The following CALN1 variants were observed in gnomAD, a reference collection of about 807,000 sequenced individuals.
CALN1 encodes calneuron 1.
CALN1 carries 17 observed loss-of-function variants against 30.6 expected under a neutral mutation model. The ratio of observed to expected loss-of-function variants is 0.56; its 90% confidence interval spans 0.38 to 0.83. CALN1 has a LOEUF of 0.83. Ranked by LOEUF, CALN1 falls within the 40% of genes least tolerant of loss-of-function variation. CALN1 has a pLI of 0.00. For synonymous variants in CALN1, 156 were observed against 131.4 expected, an observed-to-expected ratio of 1.19 and a Z score of -1.28; for missense variants, 291 against 354.9, an observed-to-expected ratio of 0.82 and a Z score of 1.45.
chr7:72,400,723 G>C (rs570861779), intron 2 of CALN1, among the ~76,000 whole-genome samples: 1 of 152,178 alleles, frequency 6.6e-6, no homozygotes. Context: ...TATAAAATTA[G>C]CTGGGTTTGG....
intron 3 of CALN1, among the ~76,000 whole-genome samples, chr7:72,153,615 A>G (rs1353630210): frequency 6.6e-6 from 1 of 151,990 alleles, no homozygotes; most frequent in Non-Finnish European, 1.5e-5. Context: ...GCCGGAGTTC[A>G]AGGCTGCAGT....
intron 5 of CALN1, among the ~76,000 whole-genome samples, chr7:71,823,391 TAA>T (rs765824389): frequency 1.1e-3 from 166 of 152,198 alleles, no homozygotes; most frequent in Non-Finnish European, 2.0e-3. Flanking sequence ...ACGCTGCAAA[TAA>T]AGACATACCC....
intron 2 of CALN1, among the ~76,000 whole-genome samples, chr7:72,357,815 T>C (rs1243623759): frequency 1.4e-5 from 2 of 147,474 alleles, no homozygotes; most frequent in African/African-American, 5.0e-5. Context: ...TTATTTTATA[T>C]ATTTATATAT....
chr7:72,072,955 A>G (rs1408261482), intron 4 of CALN1, among the ~76,000 whole-genome samples: 1 of 152,226 alleles, frequency 6.6e-6, no homozygotes, highest in Non-Finnish European at 1.5e-5. Flanking sequence ...CAAAAAGATC[A>G]CTACACACAA....
Position 72,222,569 on chromosome 7 carries a change from T to A in CALN1, c.244+56117A>T, listed in dbSNP as rs968386219. The stretch of plus-strand genomic sequence containing the variant: ...ATCCTACCAGGCCCCCCTCCAACAC[T>A]GGGGATTACAATTGAACATGAGATT... On this transcript the variant is annotated intron_variant, in intron 3 of 6. Transcript: ENST00000395275. Among the ~76,000 whole-genome samples the A allele has an allele frequency of 7.2e-5, 11 of 152,246 alleles. No individual in the cohort carries two copies. In the South Asian group the frequency reaches 1.5e-3, roughly 20 times the overall value.
chr7:72,307,480 G>A (rs143908204), intron 2 of CALN1, among the ~76,000 whole-genome samples: 2 of 152,204 alleles, frequency 1.3e-5, no homozygotes, highest in African/African-American at 2.4e-5. Flanking sequence ...CTCGTGCAGT[G>A]CAGTGGGCAT....
intron 2 of CALN1, among the ~76,000 whole-genome samples, chr7:72,390,223 G>A (rs1418399317): frequency 6.6e-6 from 1 of 151,998 alleles, no homozygotes. Flanking sequence ...GAGGTCAGGA[G>A]TCCCAGACCA....
intron 2 of CALN1, among the ~76,000 whole-genome samples, chr7:72,396,255 AAAG>A (rs1253906668): frequency 6.7e-4 from 67 of 99,516 alleles, no homozygotes; most frequent in African/African-American, 3.4e-3. Context: ...AAAAAAAAAA[AAAG>A]AAAGAAAAAG....
chr7:72,303,657 G>A (rs921823213), intron 2 of CALN1, among the ~76,000 whole-genome samples: 8 of 151,664 alleles, frequency 5.3e-5, no homozygotes, highest in African/African-American at 1.5e-4. Flanking sequence ...AATGAGAGTG[G>A]GCTCGCCCTC....
intron 2 of CALN1, among the ~76,000 whole-genome samples, chr7:72,383,722 G>C (rs1479319109): frequency 6.6e-6 from 1 of 152,150 alleles, no homozygotes; most frequent in African/African-American, 2.4e-5. Context: ...CGTCCTGTCT[G>C]AAAATTTGTT....
intron 5 of CALN1, among the ~76,000 whole-genome samples, chr7:71,896,299 T>C (rs778422770): frequency 6.6e-6 from 1 of 152,188 alleles, no homozygotes; most frequent in Non-Finnish European, 1.5e-5. Context: ...ACTCGACAAT[T>C]GAGGGCTGAT....
intron 3 of CALN1, among the ~76,000 whole-genome samples, chr7:72,234,288 G>C (rs2129550822): frequency 6.6e-6 from 1 of 152,256 alleles, no homozygotes; most frequent in African/African-American, 2.4e-5. Context: ...CGGGAGCCCA[G>C]CCAAGATTAG....
chr7:72,314,992 A>G (rs983211676), intron 2 of CALN1, among the ~76,000 whole-genome samples: 2 of 151,184 alleles, frequency 1.3e-5, no homozygotes, highest in African/African-American at 4.9e-5. Context: ...AAAAAAAAAA[A>G]AAAAATTAAT....
chr7:72,144,310 G>A (rs1397374421), intron 3 of CALN1, among the ~76,000 whole-genome samples: 2 of 151,910 alleles, frequency 1.3e-5, no homozygotes, highest in Admixed American at 1.3e-4. Flanking sequence ...AACAAAAAAA[G>A]GCAGGGGTTG....
intron 1 of CALN1, among the ~76,000 whole-genome samples, chr7:72,431,048 G>C (rs10273962): frequency 6.9e-6 from 1 of 145,568 alleles, no homozygotes; most frequent in African/African-American, 2.6e-5. Context: ...TCCTGCCTCA[G>C]TCTCTCGAGT....
chr7:71,789,969 T>C (rs1180140097), intron 6 of CALN1, among the ~76,000 whole-genome samples: 3 of 151,752 alleles, frequency 2.0e-5, no homozygotes, highest in Non-Finnish European at 4.4e-5. Context: ...TGGGTGTCGT[T>C]GGTGCATGCC....
chr7:72,102,634 G>A (rs1399488449), intron 4 of CALN1, among the ~76,000 whole-genome samples: 1 of 152,174 alleles, frequency 6.6e-6, no homozygotes. Flanking sequence ...ACTATAGTAA[G>A]TGCAAGAAGC....
At chr7:71,926,811 C>CTG (rs1795294018) in intron 5 of CALN1, among the ~76,000 whole-genome samples, 1 of 152,068 alleles carries the variant, frequency 6.6e-6, no homozygotes, top group Non-Finnish European at 1.5e-5. Context: ...TTTTTCATCT[C>CTG]TGTTATTGTA....
intron 3 of CALN1, among the ~76,000 whole-genome samples, chr7:72,135,472 A>G (rs1297277268): frequency 6.6e-6 from 1 of 152,184 alleles, no homozygotes; most frequent in Non-Finnish European, 1.5e-5. Context: ...CTCCTTGTAC[A>G]TCTCCATTAG....
Sources: gnomAD v4.1 joint callset for allele counts (sites outside exome capture counted in the v4.1 genomes callset) on GRCh38, gnomAD v4.1.1 for gene constraint, MANE v1.5 for transcripts, NCBI Gene and HGNC (gene_info 2026-07-23, HGNC 2026-07-21) for gene names.